ROBO2: variants seen among roughly 807,000 people sequenced by gnomAD.
ROBO2 encodes the protein roundabout homolog 2.
Under a neutral mutation model 160.8 loss-of-function variants are expected in ROBO2, and 53 were observed. The observed-to-expected ratio is 0.33, with a 90% CI of 0.26 to 0.41. ROBO2 has a LOEUF of 0.41. Ranked by LOEUF, ROBO2 falls within the 10% of genes least tolerant of loss-of-function variation. The probability of loss-of-function intolerance (pLI) is 1.00; values close to 1 mark genes in which losing one functional copy is unlikely to be tolerated. For synonymous variants in ROBO2, 664 were observed against 611.7 expected, an observed-to-expected ratio of 1.09 and a Z score of -1.26; for missense variants, 1,577 against 1,722.4, an observed-to-expected ratio of 0.92 and a Z score of 1.49.
rs574974963 is a variant in ROBO2, at chr3:76,938,515, T to C, written c.110-159499T>C. Among the ~76,000 whole-genome samples the C allele has an allele frequency of 1.1e-4, 16 of 152,256 alleles. No individual in the cohort carries two copies. In the South Asian group the frequency reaches 3.3e-3, roughly 32 times the overall value. On this transcript the variant is annotated intron_variant, in intron 2 of 26. Transcript: ENST00000487694. ...TACTTTCTGCTTCTCTCTGGTGATC[T>C]GCTCTCTCTCTCTCTCTGAGCTTTT...
intron 2 of ROBO2, among the ~76,000 whole-genome samples, chr3:76,351,725 G>A (rs1051660217): frequency 1.3e-5 from 2 of 151,826 alleles, no homozygotes; most frequent in African/African-American, 2.4e-5. Context: ...AAATATATGA[G>A]TTTTTCTTTA....
At chr3:77,313,762 T>A (rs2063739542) in intron 2 of ROBO2, among the ~76,000 whole-genome samples, 1 of 152,138 alleles carries the variant, frequency 6.6e-6, no homozygotes, top group African/African-American at 2.4e-5. Flanking sequence ...TTTTGTATTT[T>A]TAGTAGAGAT....
intron 2 of ROBO2, among the ~76,000 whole-genome samples, chr3:76,333,653 A>G (rs2073659759): frequency 6.6e-6 from 1 of 152,138 alleles, no homozygotes; most frequent in African/African-American, 2.4e-5. Flanking sequence ...TTCTCCCTCA[A>G]AAAGGAATTC....
At chr3:76,778,679 C>A (rs1251038062) in intron 2 of ROBO2, among the ~76,000 whole-genome samples, 1 of 151,024 alleles carries the variant, frequency 6.6e-6, no homozygotes, top group Non-Finnish European at 1.5e-5. Context: ...CAAAATATTA[C>A]AATGTATAGG....
chr3:77,395,771 G>A (rs921294586), intron 2 of ROBO2, among the ~76,000 whole-genome samples: 3 of 151,958 alleles, frequency 2.0e-5, no homozygotes, highest in Admixed American at 1.3e-4. Context: ...TTTAATATGC[G>A]ATGCATGATA....
At chr3:77,477,065 A>T (rs573991616) in intron 2 of ROBO2, among the ~76,000 whole-genome samples, 215 of 152,324 alleles carry the variant, frequency 1.4e-3, no homozygotes, top group African/African-American at 5.1e-3. Flanking sequence ...ACACACACAT[A>T]TATGAGTTTC....
intron 2 of ROBO2, among the ~76,000 whole-genome samples, chr3:76,062,190 G>T (rs2068089959): frequency 1.3e-5 from 2 of 152,120 alleles, no homozygotes; most frequent in Non-Finnish European, 2.9e-5. Context: ...CCACAAAAAT[G>T]GAGCCGACTT....
Position 76,335,828 on chromosome 3 carries a change from G to A in ROBO2, c.109+398226G>A, listed in dbSNP as rs1199494259. 5.3e-5 allele frequency among the ~76,000 whole-genome samples: 8 copies of A among 151,986 alleles called. No homozygotes were observed. In the South Asian group the frequency reaches 6.2e-4, roughly 12 times the overall value. ...CCTGACCTTGTGATCCGCCCGCCTCGTCCTCCCAAAGTGTTGGGATTACAG... is the reference window on the plus strand; with the variant it reads ...CCTGACCTTGTGATCCGCCCGCCTCATCCTCCCAAAGTGTTGGGATTACAG... On this transcript the variant is annotated intron_variant, in intron 2 of 26. Coordinates refer to the ROBO2 transcript ENST00000487694.
At chr3:77,097,893 C>T (rs2071312735) in intron 1 of ROBO2, 121 bp from the exon 2 acceptor site, 6 of 901,404 alleles carry the variant, frequency 6.7e-6, no homozygotes, top group Middle Eastern at 2.6e-4. Context: ...CAAAACGAAA[C>T]ATAAAATAAT....
intron 2 of ROBO2, among the ~76,000 whole-genome samples, chr3:76,292,150 A>G (rs779178072): frequency 1.3e-5 from 2 of 152,020 alleles, no homozygotes; most frequent in Non-Finnish European, 2.9e-5. Flanking sequence ...CTAAGTTTCT[A>G]CCATTTCTTG....
At chr3:76,510,211 G>T (rs1250253575) in intron 2 of ROBO2, among the ~76,000 whole-genome samples, 1 of 152,096 alleles carries the variant, frequency 6.6e-6, no homozygotes, top group Non-Finnish European at 1.5e-5. Flanking sequence ...GTCAAAAAAG[G>T]CCTGAAGATA....
intron 2 of ROBO2, among the ~76,000 whole-genome samples, chr3:76,075,762 A>C (rs1218581112): frequency 6.6e-6 from 1 of 152,146 alleles, no homozygotes; most frequent in Non-Finnish European, 1.5e-5. Context: ...AACATCTATA[A>C]AGGCCACGTT....
chr3:76,377,298 A>G (rs1047311398), intron 2 of ROBO2, among the ~76,000 whole-genome samples: 1 of 152,170 alleles, frequency 6.6e-6, no homozygotes, highest in Non-Finnish European at 1.5e-5. Context: ...CCTGCATTGC[A>G]CTGTTAATAG....
At chr3:77,245,020 A>C (rs766911021) in intron 2 of ROBO2, among the ~76,000 whole-genome samples, 1 of 151,590 alleles carries the variant, frequency 6.6e-6, no homozygotes, top group Non-Finnish European at 1.5e-5. Flanking sequence ...CACAAATATT[A>C]TATTTCCATT....
intron 2 of ROBO2, among the ~76,000 whole-genome samples, chr3:77,354,662 A>C (rs974455981): frequency 1.3e-5 from 2 of 152,204 alleles, no homozygotes; most frequent in Admixed American, 6.5e-5. Flanking sequence ...TGGAAACAAC[A>C]CCTGAGCATA....
intron 2 of ROBO2, among the ~76,000 whole-genome samples, chr3:77,018,083 T>G (rs62249946): frequency 0.15 from 23,313 of 152,162 alleles, 2,030 homozygotes; most frequent in Admixed American, 0.25. Flanking sequence ...AAAGTTGTTC[T>G]TTATGAATTC....
intron 2 of ROBO2, among the ~76,000 whole-genome samples, chr3:76,831,245 A>G (rs2067070150): frequency 6.6e-6 from 1 of 152,150 alleles, no homozygotes; most frequent in Non-Finnish European, 1.5e-5. Context: ...TTTTAATCAT[A>G]AGCTTTCTCC....
intron 2 of ROBO2, among the ~76,000 whole-genome samples, chr3:76,825,810 C>T (rs1382615067): frequency 1.3e-5 from 2 of 151,894 alleles, no homozygotes; most frequent in Non-Finnish European, 2.9e-5. Flanking sequence ...TACTCACACG[C>T]ATATGGACAT....
intron 23 of ROBO2, among the ~76,000 whole-genome samples, chr3:77,627,429 G>T (rs2095053019): frequency 6.6e-6 from 1 of 151,758 alleles, no homozygotes; most frequent in African/African-American, 2.4e-5. Flanking sequence ...GCAGGCTCGG[G>T]CCACCACGCT....
Sources: gnomAD v4.1 joint callset for allele counts (sites outside exome capture counted in the v4.1 genomes callset) on GRCh38, gnomAD v4.1.1 for gene constraint, MANE v1.5 for transcripts, NCBI Gene and HGNC (gene_info 2026-07-23, HGNC 2026-07-21) for gene names.